The following CDH11 variants were observed in gnomAD, a reference collection of about 807,000 sequenced individuals.
CDH11 encodes the protein cadherin-11.
In CDH11, 11 loss-of-function variants were observed where a neutral mutation model predicts 67.8. That is an observed-to-expected ratio of 0.16 (90% CI 0.10 to 0.27). The LOEUF is 0.27. Ranked by LOEUF, CDH11 falls within the 10% of genes least tolerant of loss-of-function variation. The pLI, the probability that CDH11 is intolerant of heterozygous loss-of-function variation, is 1.00. For synonymous variants in CDH11, 419 were observed against 400.0 expected (o/e 1.05, Z -0.57); for missense variants, 847 against 1,031.2 (o/e 0.82, Z 2.45).
At chr16:64,975,241 G>A (rs913030632) in intron 8 of CDH11, among the ~76,000 whole-genome samples, 1 of 152,182 alleles carries the variant, frequency 6.6e-6, no homozygotes, top group African/African-American at 2.4e-5. Context: ...TGTTGATGCT[G>A]CTGTTACACA....
chr16:65,119,657 G>C (rs1183312319), intron 1 of CDH11, among the ~76,000 whole-genome samples: 2 of 152,140 alleles, frequency 1.3e-5, no homozygotes, highest in Admixed American at 1.3e-4. Context: ...CCCTTTCCCA[G>C]GGGTGAGGAG....
intron 1 of CDH11, among the ~76,000 whole-genome samples, chr16:65,093,687 A>G (rs750427398): frequency 3.0e-4 from 46 of 152,190 alleles, no homozygotes; most frequent in Non-Finnish European, 5.9e-4. Flanking sequence ...TGATATTCAC[A>G]GTGGTAGATA....
intron 2 of CDH11, among the ~76,000 whole-genome samples, chr16:65,032,490 C>CAGAG (rs139946984): frequency 2.7e-5 from 4 of 149,364 alleles, no homozygotes; most frequent in African/African-American, 7.4e-5. Flanking sequence ...GAAAAAGAGA[C>CAGAG]AGAGAGAGAG....
In CDH11 at chr16:65,114,027, G is replaced by A. The variant is rs563144228; in HGVS notation, c.-298+7853C>T. Among the ~76,000 whole-genome samples, 4 of 152,178 alleles carry A rather than the reference G, an allele frequency of 2.6e-5. No homozygotes were observed. The East Asian group carries it at 5.8e-4, about 22-fold the overall frequency. ...CAAGAAAAGGAAAAAGTGAAGGGGG[G>A]TCAAAACGTAACTACTGGGAGAAAG... On this transcript the variant is annotated intron_variant, in intron 1 of 12. Coordinates refer to ENST00000268603, the MANE Select transcript of CDH11 (RefSeq NM_001797.4).
At chr16:65,021,735 T>C (rs1211413048) in intron 2 of CDH11, among the ~76,000 whole-genome samples, 8 of 151,560 alleles carry the variant, frequency 5.3e-5, no homozygotes, top group Non-Finnish European at 1.2e-4. Context: ...TTTGTTAGTT[T>C]GTTTTTCTGC....
upstream of CDH11, chr16:65,122,110 TGGCG>T (rs1567593046): frequency 1.5e-5 from 1 of 65,136 alleles, no homozygotes; most frequent in African/African-American, 1.4e-4. Flanking sequence ...CGGGGGGAGG[TGGCG>T]GGCGGGCAGG....
In CDH11 at chr16:65,119,376, A is replaced by AT. The variant is rs1391106186; in HGVS notation, c.-298+2503dup. Among the ~76,000 whole-genome samples the AT allele has an allele frequency of 5.3e-5, 8 of 152,004 alleles. No homozygotes were observed. The South Asian group carries it at 8.3e-4, about 16-fold the overall frequency. On this transcript the variant is annotated intron_variant, in intron 1 of 12. Coordinates refer to ENST00000268603, the MANE Select transcript of CDH11 (RefSeq NM_001797.4). ...ACATAAAAAAAATTGCGCCATAACT[A>AT]TTTTTTTTAAATTTTCAAATTAACA... is the stretch of plus-strand genomic sequence containing the variant.
At chr16:65,118,664 T>C (rs2075281140) in intron 1 of CDH11, 1 of 152,172 alleles carries the variant, frequency 6.6e-6, no homozygotes, top group African/African-American at 2.4e-5. Flanking sequence ...GCTAGTGAAT[T>C]TATACAGTGC....
intron 1 of CDH11, among the ~76,000 whole-genome samples, chr16:65,110,736 C>T (rs1433496286): frequency 6.6e-6 from 1 of 150,988 alleles, no homozygotes; most frequent in Non-Finnish European, 1.5e-5. Flanking sequence ...ATTCTAGCTT[C>T]CAGGAAAGTT....
chr16:65,033,817 G>A (rs916022571), intron 2 of CDH11, among the ~76,000 whole-genome samples: 2 of 152,100 alleles, frequency 1.3e-5, no homozygotes, highest in African/African-American at 2.4e-5. Flanking sequence ...TCCTCCAAGA[G>A]TATGTCATTA....
intron 1 of CDH11, among the ~76,000 whole-genome samples, chr16:65,099,094 G>A (rs1419048658): frequency 6.6e-6 from 1 of 152,056 alleles, no homozygotes; most frequent in Non-Finnish European, 1.5e-5. Flanking sequence ...ATAAAACTGG[G>A]TATGATGACT....
At chr16:64,960,339 G>T (rs2071640353) in intron 11 of CDH11, among the ~76,000 whole-genome samples, 1 of 152,150 alleles carries the variant, frequency 6.6e-6, no homozygotes, top group East Asian at 1.9e-4. Context: ...ATGTTATGAA[G>T]TGTTTTCTCA....
Position 64,972,928 on chromosome 16 carries a change from T to C in CDH11, c.1366A>G (p.Ile456Val). 6.2e-7 allele frequency: 1 copy of C among 1,613,930 alleles called. No individual in the cohort carries two copies. Among genetic ancestry groups the C allele is most frequent in the Non-Finnish European group, 8.5e-7 (1 of 1,179,878 alleles). ...LDREETAWLNITVFAAEIHNR... is the reference protein window; with the variant it reads ...LDREETAWLNVTVFAAEIHNR... The stretch of plus-strand genomic sequence containing the variant: ...CGGATTTCTGCTGCAAAGACAGTGA[T>C]GTTGAGCCAGGCTGTTTCCTCTCTA... Residue 456 changes from isoleucine to valine, a missense_variant, in exon 9 of 13, where the codon ATC becomes GTC. By Grantham distance (29) the Ile-to-Val change is conservative. Coordinates refer to ENST00000268603, the MANE Select transcript of CDH11 (RefSeq NM_001797.4).
chr16:65,006,352 G>A (rs1021716684), intron 2 of CDH11, among the ~76,000 whole-genome samples: 2 of 152,158 alleles, frequency 1.3e-5, no homozygotes, highest in Non-Finnish European at 1.5e-5. Flanking sequence ...ATTTTTTGTT[G>A]TCTTCTTTGG....
intron 1 of CDH11, among the ~76,000 whole-genome samples, chr16:65,110,110 A>G (rs1023671366): frequency 6.6e-5 from 10 of 152,080 alleles, no homozygotes; most frequent in Non-Finnish European, 1.2e-4. Context: ...GGCTCAAGCA[A>G]TCTACCTGTC....
intron 1 of CDH11, among the ~76,000 whole-genome samples, chr16:65,064,604 CTGTT>C (rs1265706678): frequency 7.2e-5 from 11 of 152,224 alleles, no homozygotes; most frequent in Non-Finnish European, 5.9e-5. Flanking sequence ...GAGAAAGTCT[CTGTT>C]TGCAGTGATT....
intron 1 of CDH11, among the ~76,000 whole-genome samples, chr16:65,064,970 G>C (rs557640343): frequency 6.6e-6 from 1 of 152,278 alleles, no homozygotes; most frequent in African/African-American, 2.4e-5. Flanking sequence ...GTGAGGAGCG[G>C]TGCCTACAGC....
rs1361165768 is a variant in CDH11, at chr16:65,121,906, C to A, written c.-324G>T. 3 of 701,878 alleles carry A rather than the reference C, an allele frequency of 4.3e-6. No individual in the cohort carries two copies. Among genetic ancestry groups the A allele is most frequent in the Middle Eastern group, 2.3e-4 (1 of 4,384 alleles). The allele number at this position is 701,878 out of a possible 1,614,324, so 43.5% of individuals were successfully genotyped here. ...TGGGGCCCTTGAGGGTGGACGCAACCTCCGAGCCGCCAGTCCCTGGCGCAG... is the reference window on the plus strand; with the variant it reads ...TGGGGCCCTTGAGGGTGGACGCAACATCCGAGCCGCCAGTCCCTGGCGCAG... On this transcript the variant is annotated 5_prime_UTR_variant, in exon 1 of 13. It adds an upstream start codon to the 5' untranslated region. Transcript: ENST00000268603. The surrounding 1 kb of genome is among the most constrained non-coding windows in gnomAD (Gnocchi z 4.1).
intron 3 of CDH11, among the ~76,000 whole-genome samples, chr16:65,002,747 T>A (rs975850769): frequency 2.0e-5 from 3 of 152,142 alleles, no homozygotes; most frequent in Non-Finnish European, 4.4e-5. Flanking sequence ...CAGAAACCCC[T>A]CAAACCTATT....
Sources: gnomAD v4.1 joint callset for allele counts (sites outside exome capture counted in the v4.1 genomes callset) on GRCh38, gnomAD v4.1.1 for gene constraint, Gnocchi (gnomAD v3.1) non-coding constraint, MANE v1.5 for transcripts, NCBI Gene and HGNC (gene_info 2026-07-23, HGNC 2026-07-21) for gene names.